OXR1: variants seen among roughly 807,000 people sequenced by gnomAD.
OXR1 encodes the protein oxidation resistance 1.
Under a neutral mutation model 104.6 loss-of-function variants are expected in OXR1, and 41 were observed. The ratio of observed to expected loss-of-function variants is 0.39; its 90% CI spans 0.31 to 0.51. OXR1 has a LOEUF of 0.51. Ranked by LOEUF, OXR1 falls within the 20% of genes least tolerant of loss-of-function variation. The pLI is 0.77. For missense variants in OXR1, 955 were observed against 1,031.9 expected (o/e 0.93, Z 1.02); for synonymous variants, 348 against 348.4 (o/e 1.00, Z 0.01).
chr8:106,379,537 CTTT>C (rs60855438), intron 2 of OXR1, among the ~76,000 whole-genome samples: 1 of 108,372 alleles, frequency 9.2e-6, no homozygotes, highest in Non-Finnish European at 1.8e-5. Context: ...TTCTTTCTTT[CTTT>C]TTTTTTTTTT....
At chr8:106,363,581 C>A (rs1429707253) in intron 2 of OXR1, among the ~76,000 whole-genome samples, 1 of 149,098 alleles carries the variant, frequency 6.7e-6, no homozygotes, top group Non-Finnish European at 1.5e-5. Flanking sequence ...CAAAATTAGA[C>A]TCAAAACATG....
At chr8:106,667,078 C>T (rs1166469216) in intron 3 of OXR1, among the ~76,000 whole-genome samples, 1 of 152,086 alleles carries the variant, frequency 6.6e-6, no homozygotes, top group African/African-American at 2.4e-5. Flanking sequence ...ACATTTTTAC[C>T]ATTGCAGAAA....
chr8:106,484,579 A>T (rs1401726192), intron 2 of OXR1, among the ~76,000 whole-genome samples: 2 of 152,088 alleles, frequency 1.3e-5, no homozygotes, highest in Non-Finnish European at 2.9e-5. Context: ...GCTTCATATC[A>T]TATGTCATCA....
At chr8:106,647,485 A>C (rs533618980) in intron 3 of OXR1, among the ~76,000 whole-genome samples, 302 of 152,288 alleles carry the variant, frequency 2.0e-3, no homozygotes, top group African/African-American at 6.8e-3. Flanking sequence ...AGTGGCAAAA[A>C]ACACACAAAT....
intron 16 of OXR1, among the ~76,000 whole-genome samples, chr8:106,747,348 G>C (rs1835475149): frequency 6.6e-6 from 1 of 152,204 alleles, no homozygotes; most frequent in Admixed American, 6.5e-5. Context: ...CATATAGTAA[G>C]TACTCAACAA....
intron 1 of OXR1, among the ~76,000 whole-genome samples, chr8:106,332,543 A>C (rs1206900948): frequency 1.3e-5 from 2 of 152,168 alleles, no homozygotes; most frequent in African/African-American, 2.4e-5. Flanking sequence ...CAGTCCTACC[A>C]TGTGTGTCTG....
intron 2 of OXR1, among the ~76,000 whole-genome samples, chr8:106,507,592 C>A (rs1586735710): frequency 6.6e-6 from 1 of 152,050 alleles, no homozygotes; most frequent in South Asian, 2.1e-4. Context: ...TGCAGGGAAT[C>A]GGAGATGAAG....
At chr8:106,552,353 T>G (rs547021285) in intron 3 of OXR1, among the ~76,000 whole-genome samples, 1 of 152,282 alleles carries the variant, frequency 6.6e-6, no homozygotes, top group Admixed American at 6.5e-5. Flanking sequence ...GTCCCATTTC[T>G]ATGTATCAAA....
At position 106,697,168 on chromosome 8, in the gene OXR1, C is replaced by T. The variant is rs142155819; in HGVS notation, c.675+4291C>T. On this transcript the variant is annotated intron_variant, in intron 7 of 16. Coordinates refer to ENST00000517566, the MANE Select transcript of OXR1 (RefSeq NM_001198533.2). ...GCATGGCGGTGAGGGACTGAGGCCC[C>T]TAAATTTTGATCCCAGGGGAAAAGA... 2.6e-3 allele frequency among the ~76,000 whole-genome samples: 395 copies of T among 152,258 alleles called. 1 individual carries two copies. Among genetic ancestry groups the T allele is most frequent in the African/African-American group, 9.1e-3 (378 of 41,546 alleles).
chr8:106,395,729 C>T (rs755793236), intron 2 of OXR1, among the ~76,000 whole-genome samples: 1 of 151,968 alleles, frequency 6.6e-6, no homozygotes, highest in Admixed American at 6.6e-5. Context: ...ACCAAGAGGG[C>T]CAAGAAGCAA....
chr8:106,694,752 TAATA>T (rs1460040163), intron 7 of OXR1, among the ~76,000 whole-genome samples: 10 of 112,366 alleles, frequency 8.9e-5, no homozygotes, highest in Non-Finnish European at 1.5e-4. Flanking sequence ...ATTTATATAT[TAATA>T]TATATATTTA....
chr8:106,695,619 C>T (rs1442716459), intron 7 of OXR1, among the ~76,000 whole-genome samples: 1 of 151,912 alleles, frequency 6.6e-6, no homozygotes, highest in Non-Finnish European at 1.5e-5. Context: ...GGGGTTTTAC[C>T]ATGTTGGCCA....
Position 106,706,935 on chromosome 8 carries a change from G to A in OXR1, c.1414G>A (p.Glu472Lys). ...ESQKENMPCG[E>K]TAEFKQKQSV... ...TCAAAAAGAAAATATGCCTTGTGGG[G>A]AAACAGCAGAATTTAAACAAAAGCA... The change falls in exon 9 of 17, where the codon GAA (glutamate) becomes AAA (lysine). Residue 472 changes from glutamate (E) to lysine (K), a missense_variant. Coordinates refer to ENST00000517566, the MANE Select transcript of OXR1 (RefSeq NM_001198533.2). 1 of 1,612,910 alleles carries A rather than the reference G, an allele frequency of 6.2e-7. No individual in the cohort carries two copies. Among genetic ancestry groups the A allele is most frequent in the Non-Finnish European group, 8.5e-7 (1 of 1,179,786 alleles).
At chr8:106,509,993 A>G (rs1812419982) in intron 2 of OXR1, among the ~76,000 whole-genome samples, 1 of 152,116 alleles carries the variant, frequency 6.6e-6, no homozygotes, top group Non-Finnish European at 1.5e-5. Flanking sequence ...GCTGGTTGCG[A>G]ACTCCTGACC....
At chr8:106,661,191 A>G (rs1825726522) in intron 3 of OXR1, among the ~76,000 whole-genome samples, 1 of 152,084 alleles carries the variant, frequency 6.6e-6, no homozygotes, top group Non-Finnish European at 1.5e-5. Flanking sequence ...CAAACAAACC[A>G]AAACCAAAAA....
At chr8:106,546,295 T>C (rs1188889063) in intron 3 of OXR1, among the ~76,000 whole-genome samples, 1 of 152,214 alleles carries the variant, frequency 6.6e-6, no homozygotes, top group Non-Finnish European at 1.5e-5. Flanking sequence ...TTAGCTGTTG[T>C]CCCTGCTAAA....
At chr8:106,443,794 A>G (rs1410342959) in intron 2 of OXR1, among the ~76,000 whole-genome samples, 1 of 152,192 alleles carries the variant, frequency 6.6e-6, no homozygotes, top group Non-Finnish European at 1.5e-5. Context: ...CAAAGACTTC[A>G]TGACAAAAAT....
At chr8:106,694,854 T>G (rs1353902516) in intron 7 of OXR1, among the ~76,000 whole-genome samples, 43 of 109,618 alleles carry the variant, frequency 3.9e-4, no homozygotes, top group Admixed American at 2.4e-3. Flanking sequence ...ATATTTAATA[T>G]ATAAATACAT....
chr8:106,273,135 G>A (rs1423744790), intron 1 of OXR1, among the ~76,000 whole-genome samples: 1 of 151,544 alleles, frequency 6.6e-6, no homozygotes, highest in Non-Finnish European at 1.5e-5. Flanking sequence ...GTCCTTAAGT[G>A]GAAGCCTAAC....
Sources: allele counts gnomAD v4.1 joint callset (sites outside exome capture counted in the v4.1 genomes callset), GRCh38; gene constraint gnomAD v4.1.1; transcripts MANE v1.5; gene names NCBI Gene and HGNC (gene_info 2026-07-23, HGNC 2026-07-21).